The following GPR107 variants were observed in gnomAD, a reference collection of about 807,000 sequenced individuals.
GPR107 encodes protein GPR107.
In GPR107, 31 loss-of-function variants were observed where a neutral mutation model predicts 75.5. The ratio of observed to expected loss-of-function variants is 0.41; its 90% CI spans 0.31 to 0.55. The LOEUF (loss-of-function observed/expected upper bound fraction) is 0.55, where lower values mean the gene tolerates loss of function less well. Among genes scored for constraint, GPR107 ranks in the 20% least tolerant of loss-of-function variants. GPR107 has a pLI of 0.26. For synonymous variants in GPR107, 267 were observed against 251.3 expected (o/e 1.06, Z -0.59); for missense variants, 572 against 665.7 (o/e 0.86, Z 1.55).
chr9:130,098,778 C>T (rs1313525840), intron 9 of GPR107, among the ~76,000 whole-genome samples: 6 of 152,076 alleles, frequency 3.9e-5, no homozygotes, highest in Non-Finnish European at 8.8e-5. Context: ...GAGGCAGAGG[C>T]GGGTGGATTA....
chr9:130,070,372 C>T (rs544352489), intron 1 of GPR107, among the ~76,000 whole-genome samples: 4 of 152,196 alleles, frequency 2.6e-5, no homozygotes, highest in South Asian at 2.1e-4. Flanking sequence ...GGCGTGATCT[C>T]GGCTCACTAT....
intron 9 of GPR107, among the ~76,000 whole-genome samples, chr9:130,093,107 G>A (rs1231117545): frequency 2.0e-5 from 3 of 152,172 alleles, no homozygotes; most frequent in Non-Finnish European, 2.9e-5. Context: ...TAGAACTGAA[G>A]GTCTTGGCTC....
At position 130,053,981 on chromosome 9, in the gene GPR107, C is replaced by T. The variant is rs761723245; in HGVS notation, c.49C>T (p.Leu17=). Residue 17 remains leucine, a synonymous_variant, in exon 1 of 18, where the codon CTG becomes TTG. Coordinates refer to ENST00000347136, the MANE Select transcript of GPR107 (RefSeq NM_020960.5). ...CTCCCCCGCCTCCCGCGGTCCTAGG[C>T]TGGCCGCGGGCCTCCGGCTGCTCCC... ...VGSPASRGPR[L]AAGLRLLPML... is the part of the protein sequence containing the mutation. The T allele has an allele frequency of 9.0e-6, 14 of 1,553,736 alleles. No homozygotes were observed. Among genetic ancestry groups the T allele is most frequent in the African/African-American group, 1.4e-5 (1 of 73,292 alleles).
At position 130,136,207 on chromosome 9, in the gene GPR107, TTCACTC is replaced by T. The variant is rs1356477350; in HGVS notation, c.*1090_*1095del. On this transcript the variant is annotated 3_prime_UTR_variant, in exon 18 of 18. Transcript: ENST00000347136. ...AAGAAAGTGAGCATGATTCAACAGT[TTCACTC>T]TCAGGGATTTTAGGATGGCAAAATA... 8 of 152,206 alleles carry T rather than the reference TTCACTC, an allele frequency of 5.3e-5. No individual in the cohort carries two copies. Among genetic ancestry groups the T allele is most frequent in the African/African-American group, 1.4e-4 (6 of 41,436 alleles). 9.4% of individuals were successfully genotyped at this position (152,206 alleles called of 1,614,324 possible).
chr9:130,057,515 A>AAT (rs1829821920), intron 1 of GPR107, among the ~76,000 whole-genome samples: 3 of 151,460 alleles, frequency 2.0e-5, no homozygotes, highest in Non-Finnish European at 4.4e-5. Flanking sequence ...AAAAAAAAAA[A>AAT]AAAAGACAAA....
chr9:130,064,224 T>G (rs1830010893), intron 1 of GPR107, among the ~76,000 whole-genome samples: 1 of 131,798 alleles, frequency 7.6e-6, no homozygotes, highest in African/African-American at 2.9e-5. Context: ...GGAGTCTCGC[T>G]CTGTCGCCCA....
chr9:130,118,740 G>T (rs1238407620), intron 14 of GPR107, among the ~76,000 whole-genome samples: 4 of 152,112 alleles, frequency 2.6e-5, no homozygotes, highest in Admixed American at 2.0e-4. Flanking sequence ...GGCAGGGGCA[G>T]GGGCAGCCTG....
intron 9 of GPR107, among the ~76,000 whole-genome samples, chr9:130,093,351 T>G (rs1830788296): frequency 6.6e-6 from 1 of 152,200 alleles, no homozygotes; most frequent in African/African-American, 2.4e-5. Context: ...TGTAAAGTAT[T>G]TATTATAAGG....
At chr9:130,068,764 C>G (rs1372775259) in intron 1 of GPR107, among the ~76,000 whole-genome samples, 1 of 142,926 alleles carries the variant, frequency 7.0e-6, no homozygotes, top group African/African-American at 2.6e-5. Flanking sequence ...TTTTTTGAGA[C>G]GAGGTTTTGC....
chr9:130,127,501 T>C lies in GPR107; in HGVS notation c.1375T>C (p.Phe459Leu). The change falls in exon 16 of 18, where the codon TTC becomes CTC. Residue 459 changes from phenylalanine (F) to leucine (L), a missense_variant. Transcript: ENST00000347136. ...CATGCAGATTGTGTGTTACATATAC[T>C]TCACTAGGATCATTGCATTTCTCCT... ...YYVLIVCYIY[F>L]TRIIAFLLKL... The C allele has an allele frequency of 6.3e-7, 1 of 1,589,732 alleles. No individual in the cohort carries two copies. The highest frequency in any genetic ancestry group is 8.6e-7 in the Non-Finnish European group (1 of 1,157,782).
chr9:130,133,050 G>A (rs906377457), intron 17 of GPR107: 32 of 152,144 alleles, frequency 2.1e-4, no homozygotes, highest in African/African-American at 7.2e-4. Context: ...ATTCTTCTCA[G>A]CCCGAGCCAT....
chr9:130,097,155 C>CTTTTTTTTTTTTT (rs71387312), intron 9 of GPR107, among the ~76,000 whole-genome samples: 1 of 130,172 alleles, frequency 7.7e-6, no homozygotes, highest in Non-Finnish European at 1.6e-5. Context: ...TCTTTTTTTT[C>CTTTTTTTTTTTTT]TTTTTTTTTT....
At position 130,136,017 on chromosome 9, in the gene GPR107, A is replaced by T. The variant is rs2132665659; in HGVS notation, c.*896A>T. 6.6e-6 allele frequency: 1 copy of T among 152,320 alleles called. No homozygotes were observed. The highest frequency in any genetic ancestry group is 2.4e-5 in the African/African-American group (1 of 41,550). 9.4% of individuals were successfully genotyped at this position (152,320 alleles called of 1,614,324 possible). A position where few individuals can be genotyped will look rare whatever the true frequency, so the allele number is the denominator to read the frequency against. ...TGATCAGAATTTTGGGGGAAATGGAAAGTTTTCCTCAAGGAGCAGCTGGGG... is the reference window on the plus strand; with the variant it reads ...TGATCAGAATTTTGGGGGAAATGGATAGTTTTCCTCAAGGAGCAGCTGGGG... On this transcript the variant is annotated 3_prime_UTR_variant, in exon 18 of 18. Transcript: ENST00000347136.
At chr9:130,090,487 C>T (rs904809787) in intron 7 of GPR107, among the ~76,000 whole-genome samples, 4 of 1,328 alleles carry the variant, frequency 3.0e-3, no homozygotes, top group South Asian at 0.17. Context: ...TGAAGACTTC[C>T]ACAAAGCCAT....
At chr9:130,127,674 C>CT (rs1831720081) in intron 16 of GPR107, 108 bp downstream of exon 16, 2 of 641,708 alleles carry the variant, frequency 3.1e-6, no homozygotes, top group Admixed American at 6.4e-5. Flanking sequence ...CCACTAAGAC[C>CT]TTCCATCTCT....
In GPR107 at chr9:130,139,344, T is replaced by C. The variant is rs1832037836; in HGVS notation, c.*4223T>C. 1 of 152,350 alleles carries C rather than the reference T, an allele frequency of 6.6e-6. No individual in the cohort carries two copies. The highest frequency in any genetic ancestry group is 2.1e-4 in the South Asian group (1 of 4,828). 9.4% of individuals were successfully genotyped at this position (152,350 alleles called of 1,614,324 possible). On this transcript the variant is annotated 3_prime_UTR_variant, in exon 18 of 18. Transcript: ENST00000347136. ...TGGCAGGGCGTTTTTAAAAGGCATCTACCTGAGTTGACGCTAATACTTGTC... is the reference window on the plus strand; with the variant it reads ...TGGCAGGGCGTTTTTAAAAGGCATCCACCTGAGTTGACGCTAATACTTGTC...
At chr9:130,094,211 G>A (rs530752119) in intron 9 of GPR107, among the ~76,000 whole-genome samples, 16 of 152,286 alleles carry the variant, frequency 1.1e-4, no homozygotes, top group Non-Finnish European at 2.1e-4. Context: ...TTGGGAGGCC[G>A]AGGTGGGCGG....
intron 7 of GPR107, among the ~76,000 whole-genome samples, chr9:130,089,353 C>G (rs760687582): frequency 3.3e-5 from 5 of 152,152 alleles, no homozygotes; most frequent in Non-Finnish European, 5.9e-5. Flanking sequence ...ATGCGTGGAG[C>G]AGGCAGTGCA....
intron 14 of GPR107, among the ~76,000 whole-genome samples, chr9:130,122,549 C>T (rs1558408): frequency 0.58 from 88,919 of 152,012 alleles, 26,074 homozygotes; most frequent in East Asian, 0.79. Context: ...GATCGCACAC[C>T]GGTCAGCAGT....
Sources: gnomAD v4.1 joint callset for allele counts (sites outside exome capture counted in the v4.1 genomes callset) on GRCh38, gnomAD v4.1.1 for gene constraint, MANE v1.5 for transcripts, NCBI Gene and HGNC (gene_info 2026-07-23, HGNC 2026-07-21) for gene names.